Variants in EYS observed in about 807,000 individuals in gnomAD.
EYS encodes protein eyes shut homolog.
A neutral mutation model predicts 282.1 loss-of-function variants in EYS; 250 were observed. The observed-to-expected ratio is 0.89, with a 90% CI of 0.80 to 0.98. The LOEUF (loss-of-function observed/expected upper bound fraction) is 0.98, where lower values mean the gene tolerates loss of function less well. EYS is among the 50% of genes least tolerant of loss of function. The pLI, the probability that EYS is intolerant of heterozygous loss-of-function variation, is 0.00. For synonymous variants in EYS, 1,355 were observed against 1,282.9 expected, an observed-to-expected ratio of 1.06 and a Z score of -1.20; for missense variants, 4,016 against 3,709.0, an observed-to-expected ratio of 1.08 and a Z score of -2.15.
chr6:64,118,184 T>C (rs1178560293), intron 31 of EYS, among the ~76,000 whole-genome samples: 1 of 151,992 alleles, frequency 6.6e-6, no homozygotes, highest in East Asian at 1.9e-4. Flanking sequence ...CAGAAATAGA[T>C]AAAACTATGC....
At chr6:64,914,073 G>A (rs1768087674) in intron 15 of EYS, among the ~76,000 whole-genome samples, 1 of 151,948 alleles carries the variant, frequency 6.6e-6, no homozygotes, top group African/African-American at 2.4e-5. Flanking sequence ...AGACAGGAGG[G>A]GGAAAGTGTT....
intron 12 of EYS, among the ~76,000 whole-genome samples, chr6:65,125,374 CTCA>C (rs779344177): frequency 3.5e-4 from 53 of 152,244 alleles, no homozygotes; most frequent in Middle Eastern, 3.4e-3. Context: ...CTGTCACTTC[CTCA>C]TCAATTCCTT....
intron 5 of EYS, among the ~76,000 whole-genome samples, chr6:65,423,118 C>G (rs1347550276): frequency 6.6e-6 from 1 of 151,778 alleles, no homozygotes; most frequent in African/African-American, 2.4e-5. Flanking sequence ...TCCTCACCCA[C>G]ATAAAAATTA....
At chr6:64,353,940 T>C (rs1771733896) in intron 29 of EYS, among the ~76,000 whole-genome samples, 1 of 151,532 alleles carries the variant, frequency 6.6e-6, no homozygotes, top group African/African-American at 2.4e-5. Context: ...GAAGTAAATT[T>C]GTAAATACAA....
intron 5 of EYS, among the ~76,000 whole-genome samples, chr6:65,480,621 GA>G (rs1765573011): frequency 6.6e-6 from 1 of 151,876 alleles, no homozygotes; most frequent in Non-Finnish European, 1.5e-5. Flanking sequence ...ATAACCAAAG[GA>G]CATTAAATTA....
At chr6:63,813,272 G>T (rs964284831) in intron 36 of EYS, among the ~76,000 whole-genome samples, 6 of 152,158 alleles carry the variant, frequency 3.9e-5, no homozygotes, top group Admixed American at 3.9e-4. Context: ...GAGCCACCAG[G>T]CCTGGCCCAA....
chr6:64,820,410 T>C (rs1176399631), intron 21 of EYS, among the ~76,000 whole-genome samples: 1 of 152,140 alleles, frequency 6.6e-6, no homozygotes, highest in Non-Finnish European at 1.5e-5. Flanking sequence ...ATATTTGTAC[T>C]ATTAAGAAAT....
chr6:65,359,308 C>T (rs930579892), intron 8 of EYS, among the ~76,000 whole-genome samples: 1 of 152,008 alleles, frequency 6.6e-6, no homozygotes, highest in Non-Finnish European at 1.5e-5. Flanking sequence ...AATACATATT[C>T]ATAACAATTT....
At chr6:64,725,539 A>G (rs1771723806) in intron 22 of EYS, among the ~76,000 whole-genome samples, 1 of 152,166 alleles carries the variant, frequency 6.6e-6, no homozygotes, top group African/African-American at 2.4e-5. Context: ...CAAAATATTC[A>G]TATGCCCTAG....
chr6:64,889,229 A>G (rs777527295), intron 18 of EYS, among the ~76,000 whole-genome samples: 3 of 151,828 alleles, frequency 2.0e-5, no homozygotes, highest in Non-Finnish European at 4.4e-5. Context: ...TTTGCTCCCC[A>G]AATTTTGTTT....
chr6:64,310,923 A>T (rs1769671821), intron 29 of EYS, among the ~76,000 whole-genome samples: 1 of 152,146 alleles, frequency 6.6e-6, no homozygotes, highest in Non-Finnish European at 1.5e-5. Context: ...TAAAAATCAA[A>T]AGAACAAATT....
At chr6:64,353,338 G>A (rs193024033) in intron 29 of EYS, among the ~76,000 whole-genome samples, 295 of 151,520 alleles carry the variant, frequency 1.9e-3, no homozygotes, top group Non-Finnish European at 2.4e-3. Context: ...GCAATCCTGT[G>A]AGCACTAAAA....
At chr6:65,564,492 T>C (rs1199861174) in intron 2 of EYS, among the ~76,000 whole-genome samples, 2 of 152,094 alleles carry the variant, frequency 1.3e-5, no homozygotes, top group African/African-American at 4.8e-5. Context: ...CATCTGATCT[T>C]TGACAAACCT....
intron 33 of EYS, among the ~76,000 whole-genome samples, chr6:64,011,159 CTA>C (rs1319862350): frequency 6.6e-6 from 1 of 152,058 alleles, no homozygotes; most frequent in East Asian, 1.9e-4. Context: ...GCATATTTGT[CTA>C]TTTCTTGTCT....
At chr6:64,699,042 C>T (rs1359736494) in intron 22 of EYS, among the ~76,000 whole-genome samples, 1 of 152,182 alleles carries the variant, frequency 6.6e-6, no homozygotes, top group South Asian at 2.1e-4. Context: ...CACTGCAGCT[C>T]TATTCACAAA....
intron 31 of EYS, among the ~76,000 whole-genome samples, chr6:64,086,890 A>G (rs1302055303): frequency 2.0e-5 from 3 of 152,158 alleles, no homozygotes; most frequent in Admixed American, 6.5e-5. Context: ...CGATTATAAC[A>G]TAGTTGGAAT....
chr6:63,831,037 G>A (rs1018867675), intron 36 of EYS, among the ~76,000 whole-genome samples: 1 of 152,102 alleles, frequency 6.6e-6, no homozygotes, highest in African/African-American at 2.4e-5. Context: ...GTCACCACCA[G>A]GCCTGCCTTA....
At chr6:65,015,048 C>A (rs1293141382) in intron 13 of EYS, among the ~76,000 whole-genome samples, 45 of 151,920 alleles carry the variant, frequency 3.0e-4, no homozygotes, top group Non-Finnish European at 2.9e-5. Context: ...ACAAAGGCAG[C>A]CTCTAGAATC....
At chr6:64,310,417 A>T (rs1002754782) in intron 29 of EYS, among the ~76,000 whole-genome samples, 1 of 152,206 alleles carries the variant, frequency 6.6e-6, no homozygotes, top group Middle Eastern at 3.2e-3. Flanking sequence ...GAACAAAAAC[A>T]TGTCTATTGC....
Sources: allele counts gnomAD v4.1 joint callset (sites outside exome capture counted in the v4.1 genomes callset), GRCh38; gene constraint gnomAD v4.1.1; transcripts MANE v1.5; gene names NCBI Gene and HGNC (gene_info 2026-07-23, HGNC 2026-07-21).